The following RIMS2 variants were observed in gnomAD, a reference collection of about 807,000 sequenced individuals.
RIMS2 encodes regulating synaptic membrane exocytosis 2.
A neutral mutation model predicts 174.4 loss-of-function variants in RIMS2; 59 were observed. That is an observed-to-expected ratio of 0.34 (90% CI 0.27 to 0.42). The LOEUF (loss-of-function observed/expected upper bound fraction) is 0.42. Among genes scored for constraint, RIMS2 ranks in the 10% least tolerant of loss-of-function variants. RIMS2 has a pLI of 1.00. For missense variants in RIMS2, 1,620 were observed against 1,666.3 expected (o/e 0.97, Z 0.48); for synonymous variants, 606 against 572.5 (o/e 1.06, Z -0.84).
At chr8:103,530,074 A>G (rs1015373050) in intron 1 of RIMS2, among the ~76,000 whole-genome samples, 8 of 152,218 alleles carry the variant, frequency 5.3e-5, no homozygotes, top group Non-Finnish European at 7.3e-5. Flanking sequence ...GTGTAAAACA[A>G]AATATCTTAG....
At chr8:104,246,488 A>G (rs920356948) in intron 20 of RIMS2, among the ~76,000 whole-genome samples, 3 of 152,194 alleles carry the variant, frequency 2.0e-5, no homozygotes, top group Non-Finnish European at 4.4e-5. Context: ...AAATACTCTC[A>G]TCACATTTAC....
At chr8:103,678,406 A>G (rs1436150230) in intron 1 of RIMS2, among the ~76,000 whole-genome samples, 1 of 152,164 alleles carries the variant, frequency 6.6e-6, no homozygotes, top group African/African-American at 2.4e-5. Context: ...TGAGATAATT[A>G]CATACATGAA....
chr8:103,963,588 G>T (rs1267515619), intron 15 of RIMS2, among the ~76,000 whole-genome samples: 1 of 151,976 alleles, frequency 6.6e-6, no homozygotes, highest in African/African-American at 2.4e-5. Context: ...TGAGAGGAAG[G>T]TATACAGATT....
chr8:103,943,183 A>C (rs1156590639), intron 14 of RIMS2, among the ~76,000 whole-genome samples: 1 of 152,364 alleles, frequency 6.6e-6, no homozygotes, highest in East Asian at 1.9e-4. Flanking sequence ...TATGACACCA[A>C]ATAAGCATAT....
At chr8:103,827,825 C>T (rs367734227) in intron 3 of RIMS2, among the ~76,000 whole-genome samples, 29 of 150,872 alleles carry the variant, frequency 1.9e-4, no homozygotes, top group East Asian at 1.2e-3. Flanking sequence ...GTGACAAGAG[C>T]GAGACTTTAT....
chr8:104,036,864 G>A (rs1597505347), intron 19 of RIMS2, among the ~76,000 whole-genome samples: 1 of 152,030 alleles, frequency 6.6e-6, no homozygotes, highest in Non-Finnish European at 1.5e-5. Flanking sequence ...GCAACAGAGT[G>A]AGACTCCTTC....
chr8:103,826,311 A>C (rs1051573388), intron 3 of RIMS2, among the ~76,000 whole-genome samples: 3 of 149,974 alleles, frequency 2.0e-5, no homozygotes, highest in African/African-American at 7.3e-5. Context: ...CCCCTAAGTC[A>C]GGCAACTATC....
chr8:104,095,289 TC>T (rs2097737705), intron 19 of RIMS2, among the ~76,000 whole-genome samples: 1 of 152,184 alleles, frequency 6.6e-6, no homozygotes, highest in African/African-American at 2.4e-5. Context: ...TCTGGTAGGT[TC>T]TAGTGCAGTT....
At chr8:104,090,141 T>A (rs1168173676) in intron 19 of RIMS2, among the ~76,000 whole-genome samples, 1 of 151,652 alleles carries the variant, frequency 6.6e-6, no homozygotes. Flanking sequence ...CTATCTCTTG[T>A]CATAGGGCTG....
intron 19 of RIMS2, chr8:104,094,710 T>G (rs1186356279): frequency 4.3e-6 from 3 of 692,270 alleles, no homozygotes; most frequent in African/African-American, 3.5e-5. Flanking sequence ...GCAAAGGAGA[T>G]TCTCACAAGA....
intron 1 of RIMS2, among the ~76,000 whole-genome samples, chr8:103,521,499 C>G (rs1329718219): frequency 2.0e-5 from 3 of 151,936 alleles, no homozygotes; most frequent in African/African-American, 4.8e-5. Flanking sequence ...AATATTTCTT[C>G]CATGAATAGA....
At chr8:103,946,892 G>A (rs1272255273) in intron 14 of RIMS2, among the ~76,000 whole-genome samples, 1 of 152,118 alleles carries the variant, frequency 6.6e-6, no homozygotes, top group Non-Finnish European at 1.5e-5. Flanking sequence ...CTGACATAAT[G>A]ATAGACCTAT....
At chr8:104,205,145 A>C (rs555794007) in intron 19 of RIMS2, among the ~76,000 whole-genome samples, 1 of 152,214 alleles carries the variant, frequency 6.6e-6, no homozygotes, top group African/African-American at 2.4e-5. Context: ...CAATGAAGAA[A>C]ATTTGTTAGG....
intron 3 of RIMS2, among the ~76,000 whole-genome samples, chr8:103,820,035 T>C (rs11774950): frequency 0.13 from 19,885 of 152,138 alleles, 1,758 homozygotes; most frequent in Non-Finnish European, 0.2. Context: ...GTAAAACATG[T>C]GGAAGATGTT....
chr8:103,835,103 CTT>C (rs528538789), intron 3 of RIMS2, among the ~76,000 whole-genome samples: 13 of 130,752 alleles, frequency 9.9e-5, no homozygotes, highest in Admixed American at 1.6e-4. Flanking sequence ...CTTTTCTTTT[CTT>C]TTTTTTTTTT....
chr8:103,610,488 A>G (rs2095329969), intron 1 of RIMS2, among the ~76,000 whole-genome samples: 1 of 152,114 alleles, frequency 6.6e-6, no homozygotes, highest in African/African-American at 2.4e-5. Context: ...GGTTCTTATT[A>G]TTTTGACGTA....
intron 19 of RIMS2, among the ~76,000 whole-genome samples, chr8:104,202,222 A>T (rs745636287): frequency 2.0e-5 from 3 of 152,208 alleles, no homozygotes; most frequent in African/African-American, 7.2e-5. Context: ...ATTAGTATAG[A>T]CATACCAATT....
At chr8:103,840,877 T>C (rs943518190) in intron 3 of RIMS2, among the ~76,000 whole-genome samples, 3 of 152,202 alleles carry the variant, frequency 2.0e-5, no homozygotes, top group African/African-American at 7.2e-5. Context: ...AATATAATTA[T>C]AGCATAAGTG....
chr8:104,136,081 T>C (rs1334413835), intron 19 of RIMS2, among the ~76,000 whole-genome samples: 2 of 152,332 alleles, frequency 1.3e-5, no homozygotes, highest in African/African-American at 2.4e-5. Flanking sequence ...TTCAGTTGGC[T>C]TACCAGTAGA....
Sources: gnomAD v4.1 joint callset for allele counts (sites outside exome capture counted in the v4.1 genomes callset) on GRCh38, gnomAD v4.1.1 for gene constraint, MANE v1.5 for transcripts, NCBI Gene and HGNC (gene_info 2026-07-23, HGNC 2026-07-21) for gene names.